The following BCL2L13 variants were observed in gnomAD, a reference collection of about 807,000 sequenced individuals.
The protein encoded by BCL2L13 is BCL2 like 13, also known as bcl-2-like protein 13.
Under a neutral mutation model 25.8 loss-of-function variants are expected in BCL2L13, and 13 were observed. The ratio of observed to expected loss-of-function variants is 0.50; its 90% CI spans 0.33 to 0.80. The LOEUF (loss-of-function observed/expected upper bound fraction) is 0.80, where lower values mean the gene tolerates loss of function less well. BCL2L13 is among the 30% of genes least tolerant of loss of function. The probability of loss-of-function intolerance (pLI) is 0.02; values close to 1 mark genes in which losing one functional copy is unlikely to be tolerated. For missense variants in BCL2L13, 504 were observed against 574.9 expected, an observed-to-expected ratio of 0.88 and a Z score of 1.26; for synonymous variants, 244 against 230.3, an observed-to-expected ratio of 1.06 and a Z score of -0.54.
intron 2 of BCL2L13, among the ~76,000 whole-genome samples, chr22:17,669,693 C>G (rs1279108065): frequency 6.6e-6 from 1 of 152,090 alleles, no homozygotes; most frequent in East Asian, 1.9e-4. Context: ...GTAGCCGTTA[C>G]AAATGGATTA....
At chr22:17,701,052 T>G (rs1415630345) in intron 5 of BCL2L13, among the ~76,000 whole-genome samples, 1 of 152,218 alleles carries the variant, frequency 6.6e-6, no homozygotes, top group Non-Finnish European at 1.5e-5. Context: ...CAAAAGAGAT[T>G]GCATGCAGAT....
chr22:17,651,657 A>T (rs2058692137), intron 1 of BCL2L13, among the ~76,000 whole-genome samples: 1 of 151,656 alleles, frequency 6.6e-6, no homozygotes, highest in South Asian at 2.1e-4. Context: ...TGCTGGGATT[A>T]CAGGCGTGAG....
intron 6 of BCL2L13, chr22:17,703,605 C>T (rs1469563452): frequency 6.6e-6 from 1 of 152,144 alleles, no homozygotes; most frequent in African/African-American, 2.4e-5. Flanking sequence ...AGCCACTATG[C>T]ATCTGAGGGT....
chr22:17,665,053 C>G (rs994490300), intron 2 of BCL2L13, among the ~76,000 whole-genome samples: 1 of 152,224 alleles, frequency 6.6e-6, no homozygotes, highest in Non-Finnish European at 1.5e-5. Context: ...TTGAATTTCT[C>G]CCTAGAAAAT....
chr22:17,642,797 A>G (rs1330026254), intron 1 of BCL2L13, among the ~76,000 whole-genome samples: 1 of 151,918 alleles, frequency 6.6e-6, no homozygotes, highest in Non-Finnish European at 1.5e-5. Flanking sequence ...GGGTTTTTCC[A>G]TGTTGCTGAG....
In BCL2L13 at chr22:17,728,091, C is replaced by T. The variant is rs779949618; in HGVS notation, c.*557C>T. 14 of 157,256 alleles carry T rather than the reference C, an allele frequency of 8.9e-5. No homozygotes were observed. Among genetic ancestry groups the T allele is most frequent in the East Asian group, 1.8e-4 (1 of 5,448 alleles). The allele number at this position is 157,256 out of a possible 1,614,324, so 9.7% of individuals were successfully genotyped here. Reference sequence around the variant, plus strand: ...AATCCCCTTAGAATTTCATCTTTCTCGATGAGCAGGCTCTGCACCCACTCT... The same window carrying T: ...AATCCCCTTAGAATTTCATCTTTCTTGATGAGCAGGCTCTGCACCCACTCT... On this transcript the variant is annotated 3_prime_UTR_variant, in exon 7 of 7. Coordinates refer to ENST00000317582, the MANE Select transcript of BCL2L13 (RefSeq NM_015367.4).
upstream of BCL2L13, among the ~76,000 whole-genome samples, chr22:17,636,632 T>C (rs2058111538): frequency 6.6e-6 from 1 of 150,798 alleles, no homozygotes; most frequent in African/African-American, 2.4e-5. Flanking sequence ...CTACTAAGAA[T>C]ACAAAAAAAA....
At chr22:17,723,634 C>T (rs1041601640) in intron 6 of BCL2L13, among the ~76,000 whole-genome samples, 3 of 152,108 alleles carry the variant, frequency 2.0e-5, no homozygotes, top group Admixed American at 1.3e-4. Flanking sequence ...AATCTAAGCA[C>T]TATAAATACT....
At chr22:17,683,412 C>T in intron 3 of BCL2L13, 91 bp downstream of exon 3, 1 of 713,498 alleles carries the variant, frequency 1.4e-6, no homozygotes, top group East Asian at 2.9e-5. Context: ...GTGGGGTATT[C>T]TCAACAGTTA....
chr22:17,716,155 T>A (rs2060939652), intron 6 of BCL2L13, among the ~76,000 whole-genome samples: 1 of 152,192 alleles, frequency 6.6e-6, no homozygotes. Context: ...CCAGACTCAG[T>A]GCCGTCTAGG....
At chr22:17,639,670 G>T (rs1476536030) in intron 1 of BCL2L13, among the ~76,000 whole-genome samples, 1 of 152,146 alleles carries the variant, frequency 6.6e-6, no homozygotes, top group African/African-American at 2.4e-5. Context: ...TTAGAAGTTT[G>T]AACTAAGCTG....
intron 5 of BCL2L13, among the ~76,000 whole-genome samples, chr22:17,699,384 C>T (rs929305432): frequency 3.9e-5 from 6 of 152,080 alleles, no homozygotes; most frequent in Non-Finnish European, 7.4e-5. Context: ...ACCAAGCAAG[C>T]TCATATATTA....
At chr22:17,667,203 C>T (rs531316913) in intron 2 of BCL2L13, among the ~76,000 whole-genome samples, 19 of 152,166 alleles carry the variant, frequency 1.2e-4, no homozygotes, top group African/African-American at 4.3e-4. Flanking sequence ...TAGTTTCCCC[C>T]CCAACCCCAC....
chr22:17,652,457 A>G (rs1037927008), intron 1 of BCL2L13, among the ~76,000 whole-genome samples: 21 of 152,164 alleles, frequency 1.4e-4, no homozygotes, highest in African/African-American at 3.6e-4. Context: ...CTTTTTTTTG[A>G]GACTGAGTCT....
Sources: allele counts gnomAD v4.1 joint callset (sites outside exome capture counted in the v4.1 genomes callset), GRCh38; gene constraint gnomAD v4.1.1; transcripts MANE v1.5; gene names NCBI Gene and HGNC (gene_info 2026-07-23, HGNC 2026-07-21).